KIF26B: variants seen among roughly 807,000 people sequenced by gnomAD.
The protein encoded by KIF26B is kinesin family member 26B.
A neutral mutation model predicts 151.2 loss-of-function variants in KIF26B; 63 were observed. The observed-to-expected ratio is 0.42, with a 90% CI of 0.34 to 0.51. KIF26B has a LOEUF of 0.51. Among genes scored for constraint, KIF26B ranks in the 20% least tolerant of loss-of-function variants. KIF26B has a pLI of 0.07. For missense variants in KIF26B, 2,813 were observed against 2,913.6 expected, an observed-to-expected ratio of 0.97 and a Z score of 0.79; for synonymous variants, 1,357 against 1,262.1, an observed-to-expected ratio of 1.08 and a Z score of -1.59.
intron 2 of KIF26B, among the ~76,000 whole-genome samples, chr1:245,180,412 A>G (rs1668886123): frequency 6.6e-6 from 1 of 152,136 alleles, no homozygotes. Context: ...AACTTACTCA[A>G]CTGTGTCCTT....
intron 4 of KIF26B, among the ~76,000 whole-genome samples, chr1:245,445,696 C>T (rs1477392942): frequency 2.6e-5 from 4 of 152,194 alleles, no homozygotes; most frequent in African/African-American, 4.8e-5. Flanking sequence ...TGCCCAGCTA[C>T]GCTGGTCACC....
chr1:245,279,306 C>CTTT (rs5782332), intron 2 of KIF26B, among the ~76,000 whole-genome samples: 8 of 132,648 alleles, frequency 6.0e-5, no homozygotes, highest in African/African-American at 1.7e-4. Context: ...TTTTTTCTTT[C>CTTT]TTTTTTTTTT....
chr1:245,412,885 G>A (rs78661608), intron 3 of KIF26B, among the ~76,000 whole-genome samples: 6,611 of 152,196 alleles, frequency 0.043, 172 homozygotes, highest in African/African-American at 0.054. Flanking sequence ...ACATGTACAC[G>A]CACATGCACA....
intron 2 of KIF26B, among the ~76,000 whole-genome samples, chr1:245,329,720 T>G (rs142889414): frequency 6.6e-6 from 1 of 152,232 alleles, no homozygotes; most frequent in Admixed American, 6.5e-5. Flanking sequence ...TGCTAGATGA[T>G]ATCATAGTAG....
At chr1:245,184,029 C>T (rs140158900) in intron 2 of KIF26B, among the ~76,000 whole-genome samples, 1 of 37,136 alleles carries the variant, frequency 2.7e-5, no homozygotes, top group Non-Finnish European at 7.3e-5. Context: ...CCTCCTGCAA[C>T]AGGTATGGGT....
chr1:245,200,843 T>C (rs1669286202), intron 2 of KIF26B, among the ~76,000 whole-genome samples: 1 of 152,186 alleles, frequency 6.6e-6, no homozygotes, highest in South Asian at 2.1e-4. Flanking sequence ...AAAATCACAA[T>C]GTATGAGTAA....
chr1:245,646,295 T>C lies in KIF26B; in HGVS notation c.2258+15T>C, dbSNP rs775335833. 4 of 1,612,426 alleles carry C rather than the reference T, an allele frequency of 2.5e-6. No homozygotes were observed. In the South Asian group the frequency reaches 3.3e-5, roughly 13 times the overall value. On this transcript the variant is annotated intron_variant, in intron 10 of 14. Coordinates refer to ENST00000407071, the MANE Select transcript of KIF26B (RefSeq NM_018012.4). ...ATTCCATACAAGTAAGTGACTCTTC[T>C]ACTCAAAGAATGTGGTGGGGTAAGC...
At chr1:245,503,902 G>A (rs1660674903) in intron 4 of KIF26B, among the ~76,000 whole-genome samples, 1 of 152,198 alleles carries the variant, frequency 6.6e-6, no homozygotes, top group African/African-American at 2.4e-5. Flanking sequence ...CCTTTCCCAG[G>A]CGTTGGTCAG....
At position 245,572,891 on chromosome 1, in the gene KIF26B, G is replaced by A. The variant is rs967406905; in HGVS notation, c.1351-29686G>A. 3.2e-4 allele frequency among the ~76,000 whole-genome samples: 48 copies of A among 152,114 alleles called. No individual in the cohort carries two copies. The highest frequency in any genetic ancestry group is 1.2e-3 in the African/African-American group (48 of 41,432). Reference sequence around the variant, plus strand: ...CTGTTGGCAAGGGCACCTGTCCCAAGCAGAAATGGAGAAACACGTCCTCAC... The same window carrying A: ...CTGTTGGCAAGGGCACCTGTCCCAAACAGAAATGGAGAAACACGTCCTCAC... On this transcript the variant is annotated intron_variant, in intron 5 of 14. Transcript: ENST00000407071. The surrounding 1 kb of genome is among the most constrained non-coding windows in gnomAD (Gnocchi z 4.2).
chr1:245,367,104 G>T lies in KIF26B; in HGVS notation c.736G>T (p.Ala246Ser), dbSNP rs1200437741. Residue 246 changes from alanine (A) to serine (S), a missense_variant, in exon 3 of 15, where the codon GCC becomes TCC. Physicochemically the swap from Ala to Ser is moderately conservative, Grantham distance 99. This residue lies in a region of KIF26B where 676 missense variants were observed against 688.1 expected (regional missense o/e 0.98). Coordinates refer to ENST00000407071, the MANE Select transcript of KIF26B (RefSeq NM_018012.4). The surrounding 1 kb of genome is among the most constrained non-coding windows in gnomAD (Gnocchi z 4.2). ...TGGGCTCCAGCAGCCCAGAGACTGG[G>T]CCTTTGTGCCCGCCCCCTGTGCCAC... is the stretch of plus-strand genomic sequence containing the variant. ...VGGLQQPRDW[A>S]FVPAPCATSN... The T allele has an allele frequency of 6.3e-7, 1 of 1,596,086 alleles. No individual in the cohort carries two copies. The highest frequency in any genetic ancestry group is 8.5e-7 in the Non-Finnish European group (1 of 1,171,486).
At chr1:245,335,865 G>A (rs1482332606) in intron 2 of KIF26B, among the ~76,000 whole-genome samples, 1 of 143,390 alleles carries the variant, frequency 7.0e-6, no homozygotes, top group Non-Finnish European at 1.5e-5. Flanking sequence ...GGAAAGGAGG[G>A]TCCCACGAAG....
In KIF26B at chr1:245,687,986, C is replaced by G; in HGVS notation, c.5003C>G (p.Ser1668Trp). The change falls in exon 12 of 15, where the codon TCG becomes TGG. Residue 1668 changes from serine (S) to tryptophan (W), a missense_variant. Physicochemically the swap from Ser to Trp is radical, Grantham distance 177. This residue lies in a region of KIF26B where 2,060 missense variants were observed against 2,088.6 expected (regional missense o/e 0.99). Coordinates refer to ENST00000407071, the MANE Select transcript of KIF26B (RefSeq NM_018012.4). This position sits in a 1 kb window ranked among gnomAD's most constrained non-coding sequence, Gnocchi z 4.9. ...KLEQLASRSN[S>W]LGRATVSHYE... ...GAGCAGCTGGCCAGCAGAAGCAACT[C>G]GCTGGGCAGGGCGACAGTCAGCCAC... The G allele has an allele frequency of 6.3e-7, 1 of 1,577,206 alleles. No individual in the cohort carries two copies. The highest frequency in any genetic ancestry group is 8.6e-7 in the Non-Finnish European group (1 of 1,163,320).
chr1:245,689,054 G>A (rs901647268), intron 12 of KIF26B, among the ~76,000 whole-genome samples: 2 of 152,190 alleles, frequency 1.3e-5, no homozygotes, highest in Non-Finnish European at 2.9e-5. Flanking sequence ...ACATCACCGC[G>A]GAGGGTTTCT....
At chr1:245,519,892 G>A (rs1036299767) in intron 4 of KIF26B, among the ~76,000 whole-genome samples, 2 of 152,168 alleles carry the variant, frequency 1.3e-5, no homozygotes, top group Admixed American at 6.5e-5. Flanking sequence ...GTGCATGACT[G>A]TATTTGGTTT....
chr1:245,582,196 G>A (rs1158621791), intron 5 of KIF26B, among the ~76,000 whole-genome samples: 1 of 151,980 alleles, frequency 6.6e-6, no homozygotes, highest in Non-Finnish European at 1.5e-5. Context: ...CCTCTTCAGC[G>A]AGAGCTACAC....
At chr1:245,350,979 A>G (rs1039245666) in intron 2 of KIF26B, among the ~76,000 whole-genome samples, 7 of 152,190 alleles carry the variant, frequency 4.6e-5, no homozygotes, top group Non-Finnish European at 8.8e-5. Flanking sequence ...CCTGGTCACC[A>G]AAGCAGTGAG....
intron 4 of KIF26B, among the ~76,000 whole-genome samples, chr1:245,466,439 A>C (rs1659795002): frequency 6.6e-6 from 1 of 152,244 alleles, no homozygotes; most frequent in African/African-American, 2.4e-5. Context: ...AATGAGGGCT[A>C]TCTAAAGCAG....
At chr1:245,464,193 A>G (rs998731913) in intron 4 of KIF26B, among the ~76,000 whole-genome samples, 36 of 152,230 alleles carry the variant, frequency 2.4e-4, no homozygotes, top group Admixed American at 1.6e-3. Flanking sequence ...TCTGATTCCA[A>G]ACATGGCTAC....
At chr1:245,247,457 T>TA (rs948117389) in intron 2 of KIF26B, among the ~76,000 whole-genome samples, 2 of 151,736 alleles carry the variant, frequency 1.3e-5, no homozygotes, top group African/African-American at 2.4e-5. Context: ...GACTGCATCT[T>TA]AAAAAAAATA....
Sources: gnomAD v4.1 joint callset for allele counts (sites outside exome capture counted in the v4.1 genomes callset) on GRCh38, gnomAD v4.1.1 for gene constraint, gnomAD v4.1.1 regional missense constraint, Gnocchi (gnomAD v3.1) non-coding constraint, MANE v1.5 for transcripts, NCBI Gene and HGNC (gene_info 2026-07-23, HGNC 2026-07-21) for gene names.